Variants in KRT1 observed in about 807,000 individuals in gnomAD.
The protein encoded by KRT1 is keratin 1, also known as keratin, type II cytoskeletal 1.
Under a neutral mutation model 51.6 loss-of-function variants are expected in KRT1, and 28 were observed. That is an observed-to-expected ratio of 0.54 (90% CI 0.40 to 0.74). KRT1 has a LOEUF of 0.74. Ranked by LOEUF, KRT1 falls within the 30% of genes least tolerant of loss-of-function variation. KRT1 has a pLI of 0.00. For missense variants in KRT1, 783 were observed against 815.5 expected, an observed-to-expected ratio of 0.96 and a Z score of 0.49; for synonymous variants, 301 against 307.7, an observed-to-expected ratio of 0.98 and a Z score of 0.23.
Position 52,675,447 on chromosome 12 carries a change from A to T in KRT1, c.1681T>A (p.Ser561Thr). 2.1e-6 allele frequency: 1 copy of T among 468,550 alleles called. No homozygotes were observed. Among genetic ancestry groups the T allele is most frequent in the South Asian group, 3.7e-5 (1 of 27,038 alleles). The allele number at this position is 468,550 out of a possible 1,614,324, so 29.0% of individuals were successfully genotyped here. A position where few individuals can be genotyped will look rare whatever the true frequency, so the allele number is the denominator to read the frequency against. Reference protein sequence around the residue: ...SYGSGGSSYGSGGGSYGSGGG... With the variant: ...SYGSGGSSYGTGGGSYGSGGG... ...CCAGAGCCATAGCTGCCACCTCCGG[A>T]GCCGTAGCTGCTACCTCCGGAGCCA... The change falls in exon 9 of 9, where the codon TCC (serine) becomes ACC (threonine). Residue 561 changes from serine (S) to threonine (T), a missense_variant. By Grantham distance (58) the Ser-to-Thr change is moderately conservative. Coordinates refer to ENST00000252244, the MANE Select transcript of KRT1 (RefSeq NM_006121.4).
intron 3 of KRT1, 78 bp from the exon 4 acceptor site, chr12:52,677,823 A>G (rs1397534879): frequency 1.6e-6 from 2 of 1,276,488 alleles, no homozygotes; most frequent in Non-Finnish European, 2.3e-6. Flanking sequence ...GGGATTCTCC[A>G]AGCAAAAAAA....
chr12:52,678,932 G>A (rs897527153), intron 1 of KRT1, among the ~76,000 whole-genome samples, 176 bp from the exon 2 acceptor site: 3 of 152,220 alleles, frequency 2.0e-5, no homozygotes, highest in African/African-American at 7.2e-5. Flanking sequence ...TGTTAATTCA[G>A]AGAGGGCTTG....
Position 52,675,620 on chromosome 12 carries a change from G to A in KRT1, c.1511-3C>T, listed in dbSNP as rs1941492506. On this transcript the variant is annotated splice_polypyrimidine_tract_variant and splice_region_variant and intron_variant, in intron 8 of 8. Transcript: ENST00000252244. The stretch of plus-strand genomic sequence containing the variant: ...GGTGGTGTGGCTTGTGCTCACAGCT[G>A]CAAGAGGAAGCTCAGTTATTTTCAA... 1 of 1,614,154 alleles carries A rather than the reference G, an allele frequency of 6.2e-7. No homozygotes were observed.
intron 6 of KRT1, 102 bp from the exon 7 acceptor site, chr12:52,676,597 A>T: frequency 8.5e-7 from 1 of 1,182,792 alleles, no homozygotes; most frequent in East Asian, 2.5e-5. Flanking sequence ...TGAGTCCAAC[A>T]GAACCACTTG....
intron 7 of KRT1, 108 bp from the exon 8 acceptor site, chr12:52,675,852 A>G (rs1941496132): frequency 2.4e-6 from 3 of 1,263,704 alleles, no homozygotes; most frequent in Admixed American, 3.9e-5. Context: ...GTCTTCTCCA[A>G]TGCACTTAAT....
intron 3 of KRT1, 70 bp from the exon 4 acceptor site, chr12:52,677,815 G>T: frequency 5.3e-6 from 7 of 1,324,200 alleles, no homozygotes; most frequent in Admixed American, 1.7e-5. Context: ...CCTGTGAGGG[G>T]ATTCTCCAAG....
Position 52,680,301 on chromosome 12 carries a change from G to T in KRT1, c.48C>A (p.Gly16=). Residue 16 remains glycine, a synonymous_variant, in exon 1 of 9, where the codon GGC becomes GGA. Transcript: ENST00000252244. ...SSRSGYRSGG[G]FSSGSAGIIN... is the part of the protein sequence containing the mutation. ...TGATCCCAGCAGAGCCAGAGCTGAA[G>T]CCCCCTCCACTTCGGTACCCAGACC... is the stretch of plus-strand genomic sequence containing the variant. 1.2e-6 allele frequency: 2 copies of T among 1,614,162 alleles called. No homozygotes were observed. Among genetic ancestry groups the T allele is most frequent in the Non-Finnish European group, 1.7e-6 (2 of 1,180,018 alleles).
Position 52,675,116 on chromosome 12 carries a change from T to C in KRT1, c.*77A>G. On this transcript the variant is annotated 3_prime_UTR_variant, in exon 9 of 9. Coordinates refer to ENST00000252244, the MANE Select transcript of KRT1 (RefSeq NM_006121.4). ...TTTTCTCCGGTAAGGCTGGGACAAA[T>C]CGACCTCGGTCTTGCCAAGCATATT... 2 of 1,570,004 alleles carry C rather than the reference T, an allele frequency of 1.3e-6. No individual in the cohort carries two copies. Among genetic ancestry groups the C allele is most frequent in the South Asian group, 1.1e-5 (1 of 90,084 alleles).
chr12:52,677,795 C>T, intron 3 of KRT1, 50 bp from the exon 4 acceptor site: 2 of 1,465,498 alleles, frequency 1.4e-6, no homozygotes, highest in Non-Finnish European at 1.9e-6. Flanking sequence ...AGGGCAGGTC[C>T]CTCTCATTAC....
rs532003323 is a variant in KRT1, at chr12:52,675,234, C to T, written c.1894G>A (p.Val632Met). 1.4e-5 allele frequency: 23 copies of T among 1,613,936 alleles called. No homozygotes were observed. Among genetic ancestry groups the T allele is most frequent in the Admixed American group, 1.3e-4 (8 of 60,032 alleles). The change falls in exon 9 of 9, where the codon GTG (valine) becomes ATG (methionine). Residue 632 changes from valine (V) to methionine (M), a missense_variant. Coordinates refer to ENST00000252244, the MANE Select transcript of KRT1 (RefSeq NM_006121.4). ...GAATAAGTGGTAGAAACAAACTTCA[C>T]GCTGGAACTGCCACCAGAGGACTTG... ...GVKSSGGSSS[V>M]KFVSTTYSGV... is the part of the protein sequence containing the mutation.
At position 52,680,250 on chromosome 12, in the gene KRT1, G is replaced by A; in HGVS notation, c.99C>T (p.Ser33=). The A allele has an allele frequency of 6.2e-7, 1 of 1,613,434 alleles. No individual in the cohort carries two copies. The highest frequency in any genetic ancestry group is 1.1e-5 in the South Asian group (1 of 91,048). Residue 33 remains serine (S), a synonymous_variant, in exon 1 of 9, where the codon AGC becomes AGT. Coordinates refer to ENST00000252244, the MANE Select transcript of KRT1 (RefSeq NM_006121.4). The part of the protein sequence containing the change: ...GIINYQRRTT[S]SSTRRSGGGG... ...CTCCTCCACTGCGGCGTGTGGAGCT[G>A]CTGGTGGTCCTGCGCTGGTAGTTGA...
In KRT1 at chr12:52,675,240, A is replaced by G. The variant is rs1255847918; in HGVS notation, c.1888T>C (p.Ser630Pro). Residue 630 changes from serine (S) to proline (P), a missense_variant, in exon 9 of 9, where the codon TCC becomes CCC. Coordinates refer to ENST00000252244, the MANE Select transcript of KRT1 (RefSeq NM_006121.4). ...GTGGTAGAAACAAACTTCACGCTGG[A>G]ACTGCCACCAGAGGACTTGACACCC... ...SGGVKSSGGS[S>P]SVKFVSTTYS... The G allele has an allele frequency of 1.9e-6, 3 of 1,613,920 alleles. No homozygotes were observed. The highest frequency in any genetic ancestry group is 1.7e-6 in the Non-Finnish European group (2 of 1,180,030).
chr12:52,675,974 G>C (rs1037318986), intron 7 of KRT1, among the ~76,000 whole-genome samples: 1 of 152,180 alleles, frequency 6.6e-6, no homozygotes. Context: ...TGCAGCCAAT[G>C]AAGGCCCCCT....
chr12:52,677,867 C>A, intron 3 of KRT1, 122 bp from the exon 4 acceptor site: 2 of 864,766 alleles, frequency 2.3e-6, no homozygotes, highest in Middle Eastern at 2.7e-4. Context: ...CTTTTTGCCC[C>A]AGGTAAATCA....
Position 52,675,068 on chromosome 12 carries a change from G to T in KRT1, c.*125C>A. On this transcript the variant is annotated 3_prime_UTR_variant, in exon 9 of 9. Coordinates refer to ENST00000252244, the MANE Select transcript of KRT1 (RefSeq NM_006121.4). ...AGAAAGAGCTGGGGGAATAGGATGAGCTAGTGTAACTAACCATAGCTCTTT... is the reference window on the plus strand; with the variant it reads ...AGAAAGAGCTGGGGGAATAGGATGATCTAGTGTAACTAACCATAGCTCTTT... 2 of 1,215,628 alleles carry T rather than the reference G, an allele frequency of 1.6e-6. No homozygotes were observed. The highest frequency in any genetic ancestry group is 2.4e-6 in the Non-Finnish European group (2 of 819,078). The allele number at this position is 1,215,628 out of a possible 1,614,324, so 75.3% of individuals were successfully genotyped here.
At position 52,675,538 on chromosome 12, in the gene KRT1, G is replaced by T; in HGVS notation, c.1590C>A (p.Ser530Arg). 6.2e-7 allele frequency: 1 copy of T among 1,610,808 alleles called. No individual in the cohort carries two copies. The highest frequency in any genetic ancestry group is 8.5e-7 in the Non-Finnish European group (1 of 1,179,484). The change falls in exon 9 of 9, where the codon AGC (serine) becomes AGA (arginine). Residue 530 changes from serine to arginine, a missense_variant. Coordinates refer to ENST00000252244, the MANE Select transcript of KRT1 (RefSeq NM_006121.4). ...AGCTACCACCTCCGGAGCCATAGCT[G>T]CTACCTCCAGAGCCGTAGCCACCGC... Reference protein sequence around the residue: ...GGGGGYGSGGSSYGSGGGSYG... With the variant: ...GGGGGYGSGGRSYGSGGGSYG...
At position 52,678,522 on chromosome 12, in the gene KRT1, GC is replaced by G; in HGVS notation, c.806+19del. On this transcript the variant is annotated intron_variant, in intron 2 of 8. Transcript: ENST00000252244. ...TCTTTTACAGCAAAAGTTAAGAACT[GC>G]CCAGACAGGGTCCCTTACTTGTTCC... 1 of 1,611,494 alleles carries G rather than the reference GC, an allele frequency of 6.2e-7. No homozygotes were observed. The highest frequency in any genetic ancestry group is 8.5e-7 in the Non-Finnish European group (1 of 1,177,590).
chr12:52,679,556 C>A (rs1432873177), intron 1 of KRT1, among the ~76,000 whole-genome samples: 1 of 152,202 alleles, frequency 6.6e-6, no homozygotes, highest in Non-Finnish European at 1.5e-5. Context: ...TTTAGGTCGA[C>A]CACGAACCCT....
rs924192368 is a variant in KRT1, at chr12:52,680,393, G to C, written c.-45C>G. On this transcript the variant is annotated 5_prime_UTR_variant, in exon 1 of 9. Coordinates refer to ENST00000252244, the MANE Select transcript of KRT1 (RefSeq NM_006121.4). ...GGAGCAAGGTAGAGTAAGGGAAGGA[G>C]CTAAACACTCCTCTACCCCAAGCAT... 7 of 1,536,676 alleles carry C rather than the reference G, an allele frequency of 4.6e-6. No homozygotes were observed. Among genetic ancestry groups the C allele is most frequent in the Non-Finnish European group, 6.3e-6 (7 of 1,113,378 alleles).
Sources: gnomAD v4.1 joint callset for allele counts (sites outside exome capture counted in the v4.1 genomes callset) on GRCh38, gnomAD v4.1.1 for gene constraint, MANE v1.5 for transcripts, NCBI Gene and HGNC (gene_info 2026-07-23, HGNC 2026-07-21) for gene names.